The following SMAD3 variants were observed in gnomAD, a reference collection of about 807,000 sequenced individuals.
SMAD3 encodes MAD homolog 3.
SMAD3 carries 12 observed loss-of-function variants against 51.8 expected under a neutral mutation model. The ratio of observed to expected loss-of-function variants is 0.23; its 90% CI spans 0.15 to 0.38. The LOEUF is 0.38. SMAD3 is among the 10% of genes least tolerant of loss of function. The probability of loss-of-function intolerance (pLI) is 1.00; values close to 1 mark genes in which losing one functional copy is unlikely to be tolerated. For synonymous variants in SMAD3, 238 were observed against 227.7 expected, an observed-to-expected ratio of 1.05 and a Z score of -0.41; for missense variants, 294 against 565.6, an observed-to-expected ratio of 0.52 and a Z score of 4.87.
rs188001652 is a variant in SMAD3 at position 67,098,287 on chromosome 15, C to A, written c.206+31927C>A. Among the ~76,000 whole-genome samples, 182 of 151,014 alleles carry A rather than the reference C, an allele frequency of 1.2e-3. 1 individual carries two copies. The highest frequency in any genetic ancestry group is 4.0e-3 in the African/African-American group (164 of 41,040). ...GGGCTTTGTGCCTAAACTGCCCCCCCACCCCACCACCCAAGACAGATTAAA... is the reference window on the plus strand; with the variant it reads ...GGGCTTTGTGCCTAAACTGCCCCCCAACCCCACCACCCAAGACAGATTAAA... On this transcript the variant is annotated intron_variant, in intron 1 of 8. Coordinates refer to ENST00000327367, the MANE Select transcript of SMAD3 (RefSeq NM_005902.4).
chr15:67,066,099 C>A lies in SMAD3; in HGVS notation c.-56C>A. ...GCTCCCCTCTGCGCCCCCGGCGTCCCGTCGAGCCCAGCCCCGCCGGGGGCG... is the reference window on the plus strand; with the variant it reads ...GCTCCCCTCTGCGCCCCCGGCGTCCAGTCGAGCCCAGCCCCGCCGGGGGCG... On this transcript the variant is annotated 5_prime_UTR_variant, in exon 1 of 9. Coordinates refer to ENST00000327367, the MANE Select transcript of SMAD3 (RefSeq NM_005902.4). 7.1e-7 allele frequency: 1 copy of A among 1,409,266 alleles called. No individual in the cohort carries two copies. The highest frequency in any genetic ancestry group is 9.7e-7 in the Non-Finnish European group (1 of 1,028,224). 87.3% of individuals were successfully genotyped at this position (1,409,266 alleles called of 1,614,324 possible). A position where few individuals can be genotyped will look rare whatever the true frequency, so the allele number is the denominator to read the frequency against.
Position 67,181,380 on chromosome 15 carries a change from G to A in SMAD3, c.798G>A (p.Ser266=), listed in dbSNP as rs761391442. ...ATGGCTTCACCGACCCCTCCAATTC[G>A]GAGCGCTTCTGCCTAGGGCTGCTCT... ...TVDGFTDPSN[S]ERFCLGLLSN... Residue 266 remains serine, a synonymous_variant, in exon 6 of 9, where the codon TCG becomes TCA. Transcript: ENST00000327367. 5.1e-5 allele frequency: 83 copies of A among 1,614,006 alleles called. No homozygotes were observed. Among genetic ancestry groups the A allele is most frequent in the Non-Finnish European group, 6.4e-5 (76 of 1,180,042 alleles).
intron 1 of SMAD3, among the ~76,000 whole-genome samples, chr15:67,160,693 C>G (rs1372726753): frequency 2.2e-5 from 3 of 135,656 alleles, no homozygotes; most frequent in Non-Finnish European, 4.6e-5. Context: ...ATGGCGTGAC[C>G]CCAGGAGGTG....
Position 67,192,326 on chromosome 15 carries a change from G to A in SMAD3, c.*1790G>A, listed in dbSNP as rs530788405. On this transcript the variant is annotated 3_prime_UTR_variant, in exon 9 of 9. Coordinates refer to ENST00000327367, the MANE Select transcript of SMAD3 (RefSeq NM_005902.4). ...GAGGACACAGGAAGAGACGGAAGGA[G>A]CACCTTGACAGACTTGTGTGAGTCT... 3 of 233,126 alleles carry A rather than the reference G, an allele frequency of 1.3e-5. No individual in the cohort carries two copies. In the South Asian group the frequency reaches 5.4e-4, roughly 42 times the overall value. The allele number at this position is 233,126 out of a possible 1,614,324, so 14.4% of individuals were successfully genotyped here. A position where few individuals can be genotyped will look rare whatever the true frequency, so the allele number is the denominator to read the frequency against.
At chr15:67,115,140 A>C (rs1463750884) in intron 1 of SMAD3, among the ~76,000 whole-genome samples, 1 of 152,226 alleles carries the variant, frequency 6.6e-6, no homozygotes, top group African/African-American at 2.4e-5. Flanking sequence ...GGCCTTGAGC[A>C]AATGTGTATC....
At chr15:67,166,466 G>A (rs769596050) in intron 3 of SMAD3, 17 of 488,610 alleles carry the variant, frequency 3.5e-5, no homozygotes, top group Admixed American at 6.6e-5. Flanking sequence ...CTCCCTGGAG[G>A]GGGTGGGGCT....
At position 67,115,770 on chromosome 15, in the gene SMAD3, T is replaced by C. The variant is rs187746110; in HGVS notation, c.207-49125T>C. Among the ~76,000 whole-genome samples, 51 of 152,314 alleles carry C rather than the reference T, an allele frequency of 3.3e-4. 1 individual carries two copies. The highest frequency in any genetic ancestry group is 3.3e-3 in the Admixed American group (51 of 15,306). On this transcript the variant is annotated intron_variant, in intron 1 of 8. Coordinates refer to ENST00000327367, the MANE Select transcript of SMAD3 (RefSeq NM_005902.4). ...ATGCTGTGCTGGGCTCTGGATATAGTAGTGAGCAAAGAGGAAGCACTCACA... is the reference window on the plus strand; with the variant it reads ...ATGCTGTGCTGGGCTCTGGATATAGCAGTGAGCAAAGAGGAAGCACTCACA...
intron 3 of SMAD3, chr15:67,166,323 G>GAC (rs1962588162): frequency 3.5e-6 from 1 of 287,736 alleles, no homozygotes; most frequent in African/African-American, 2.2e-5. Context: ...GCTGAGTGAG[G>GAC]ACACGTCCCT....
intron 1 of SMAD3, among the ~76,000 whole-genome samples, chr15:67,076,972 C>G (rs140680312): frequency 6.6e-6 from 1 of 152,256 alleles, no homozygotes; most frequent in East Asian, 1.9e-4. Context: ...CACAAGGCCT[C>G]TGAAAGTTAT....
At chr15:67,186,816 A>AG in intron 7 of SMAD3, 1 of 337,570 alleles carries the variant, frequency 3.0e-6, no homozygotes, top group Non-Finnish European at 5.9e-6. Flanking sequence ...AGAGGAGCCC[A>AG]GGTGGAGGGT....
chr15:67,127,272 G>C (rs1487322141), intron 1 of SMAD3, among the ~76,000 whole-genome samples: 2 of 152,148 alleles, frequency 1.3e-5, no homozygotes, highest in Admixed American at 6.5e-5. Flanking sequence ...TTGTTTTTCT[G>C]TCTCCTCCCT....
chr15:67,153,833 T>C (rs1962212965), intron 1 of SMAD3, among the ~76,000 whole-genome samples: 1 of 152,232 alleles, frequency 6.6e-6, no homozygotes, highest in South Asian at 2.1e-4. Context: ...AAGTTCTTGG[T>C]GTCTGCGTGC....
Position 67,187,314 on chromosome 15 carries a change from A to G in SMAD3, c.1010-51A>G, listed in dbSNP as rs368834004. 4 of 1,612,986 alleles carry G rather than the reference A, an allele frequency of 2.5e-6. No homozygotes were observed. The African/African-American group carries it at 4.0e-5, about 16-fold the overall frequency. ...ACTTGCTTTATCCAGGAGGGGAGCA[A>G]CGGACCTGGCCACTTCCATCCCCAC... On this transcript the variant is annotated intron_variant, in intron 7 of 8. Coordinates refer to ENST00000327367, the MANE Select transcript of SMAD3 (RefSeq NM_005902.4).
chr15:67,106,347 A>G (rs1290296170), intron 1 of SMAD3, among the ~76,000 whole-genome samples: 1 of 152,118 alleles, frequency 6.6e-6, no homozygotes, highest in African/African-American at 2.4e-5. Flanking sequence ...ATCTTTCCTC[A>G]GGGCCTGTGC....
chr15:67,066,183 C>G lies in SMAD3; in HGVS notation c.29C>G (p.Pro10Arg). 1 of 1,609,164 alleles carries G rather than the reference C, an allele frequency of 6.2e-7. No individual in the cohort carries two copies. The change falls in exon 1 of 9, where the codon CCG becomes CGG. Residue 10 changes from proline to arginine, a missense_variant. By Grantham distance (103) the Pro-to-Arg change is moderately radical. Around this residue, in one of 3 missense-constraint regions of SMAD3, gnomAD observed 147 missense variants for 260.9 expected, o/e 0.56. Coordinates refer to ENST00000327367, the MANE Select transcript of SMAD3 (RefSeq NM_005902.4). MSSILPFTPPIVKRLLGWKK... is the reference protein window; with the variant it reads MSSILPFTPRIVKRLLGWKK... ...TCGTCCATCCTGCCTTTCACTCCCCCGATCGTGAAGCGCCTGCTGGGCTGG... is the reference window on the plus strand; with the variant it reads ...TCGTCCATCCTGCCTTTCACTCCCCGGATCGTGAAGCGCCTGCTGGGCTGG...
chr15:67,132,606 A>T (rs1483977541), intron 1 of SMAD3, among the ~76,000 whole-genome samples: 2 of 152,216 alleles, frequency 1.3e-5, no homozygotes, highest in Non-Finnish European at 2.9e-5. Flanking sequence ...ACCTGCAGTT[A>T]TTAGCTATGT....
intron 1 of SMAD3, among the ~76,000 whole-genome samples, chr15:67,099,781 C>T (rs1329854285): frequency 6.6e-6 from 1 of 152,194 alleles, no homozygotes; most frequent in Non-Finnish European, 1.5e-5. Flanking sequence ...CATAGATTAT[C>T]TTATTTAATT....
At chr15:67,123,994 G>A (rs888765445) in intron 1 of SMAD3, among the ~76,000 whole-genome samples, 5 of 152,020 alleles carry the variant, frequency 3.3e-5, no homozygotes, top group Admixed American at 6.6e-5. Flanking sequence ...TTGGATTTTC[G>A]TCTCTTATTT....
chr15:67,165,939 G>T (rs1357592396), intron 3 of SMAD3: 1 of 163,744 alleles, frequency 6.1e-6, no homozygotes, highest in Non-Finnish European at 1.3e-5. Flanking sequence ...TGCAAATAAC[G>T]TGTGAATCAC....
Sources: allele counts gnomAD v4.1 joint callset (sites outside exome capture counted in the v4.1 genomes callset), GRCh38; gene constraint gnomAD v4.1.1; regional missense constraint gnomAD v4.1.1; transcripts MANE v1.5; gene names NCBI Gene and HGNC (gene_info 2026-07-23, HGNC 2026-07-21).